The following AMBRA1 variants were observed in gnomAD, a reference collection of about 807,000 sequenced individuals.
AMBRA1 encodes the protein activating molecule in BECN1-regulated autophagy protein 1.
A neutral mutation model predicts 125.4 loss-of-function variants in AMBRA1; 47 were observed. The observed-to-expected ratio is 0.37, with a 90% CI of 0.30 to 0.48. The LOEUF is 0.48. Ranked by LOEUF, AMBRA1 falls within the 20% of genes least tolerant of loss-of-function variation. AMBRA1 has a pLI of 0.99. For synonymous variants in AMBRA1, 626 were observed against 655.5 expected (o/e 0.95, Z 0.69); for missense variants, 1,331 against 1,693.4 (o/e 0.79, Z 3.76).
chr11:46,532,967 A>G (rs1182517429), intron 7 of AMBRA1, among the ~76,000 whole-genome samples: 2 of 152,104 alleles, frequency 1.3e-5, no homozygotes, highest in Admixed American at 1.3e-4. Context: ...AAGAAAACAA[A>G]ACATGGCCAA....
At chr11:46,488,388 G>A (rs139006534) in intron 11 of AMBRA1, among the ~76,000 whole-genome samples, 50 of 152,096 alleles carry the variant, frequency 3.3e-4, no homozygotes, top group African/African-American at 1.1e-3. Context: ...CCCAAGAGGC[G>A]GAAGTTGCAG....
chr11:46,404,384 G>C (rs776028703), intron 17 of AMBRA1, among the ~76,000 whole-genome samples: 8 of 152,274 alleles, frequency 5.3e-5, no homozygotes, highest in Non-Finnish European at 1.0e-4. Context: ...GGCTCAAAGA[G>C]AGCCCTGATC....
At chr11:46,454,506 C>G (rs969180767) in intron 11 of AMBRA1, among the ~76,000 whole-genome samples, 1 of 146,986 alleles carries the variant, frequency 6.8e-6, no homozygotes, top group Non-Finnish European at 1.5e-5. Context: ...GAGGCCAAGG[C>G]AGGTGGATCA....
At chr11:46,576,829 G>A (rs972665911) in intron 1 of AMBRA1, among the ~76,000 whole-genome samples, 15 of 152,292 alleles carry the variant, frequency 9.8e-5, no homozygotes, top group Non-Finnish European at 1.9e-4. Context: ...ACATGATTAA[G>A]AGTCTTAAAT....
chr11:46,571,088 AT>A (rs2043740870), intron 1 of AMBRA1, among the ~76,000 whole-genome samples: 2 of 152,218 alleles, frequency 1.3e-5, no homozygotes, highest in Non-Finnish European at 2.9e-5. Context: ...GCAACAGATA[AT>A]CTCTCACATT....
chr11:46,473,565 CAG>C (rs1464270586), intron 11 of AMBRA1, among the ~76,000 whole-genome samples: 1 of 152,172 alleles, frequency 6.6e-6, no homozygotes, highest in Non-Finnish European at 1.5e-5. Flanking sequence ...GATAAAGAAT[CAG>C]AAAAAATCCA....
At chr11:46,520,536 C>G (rs1951709502) in intron 7 of AMBRA1, among the ~76,000 whole-genome samples, 1 of 151,762 alleles carries the variant, frequency 6.6e-6, no homozygotes, top group Non-Finnish European at 1.5e-5. Context: ...AAATACCTGA[C>G]TCCTCCAGCC....
chr11:46,444,236 G>C (rs1590821793), intron 11 of AMBRA1, among the ~76,000 whole-genome samples: 1 of 152,276 alleles, frequency 6.6e-6, no homozygotes, highest in Admixed American at 6.5e-5. Context: ...TGTAGCATCA[G>C]AATATTTTTA....
intron 17 of AMBRA1, among the ~76,000 whole-genome samples, chr11:46,404,582 T>TACAGGGTATAC (rs2136597947): frequency 6.6e-6 from 1 of 152,262 alleles, no homozygotes; most frequent in South Asian, 2.1e-4. Context: ...CAGCTGTGGG[T>TACAGGGTATAC]ACAGGGTATA....
chr11:46,426,166 G>A (rs148232432), intron 14 of AMBRA1, among the ~76,000 whole-genome samples: 2 of 152,040 alleles, frequency 1.3e-5, no homozygotes, highest in Non-Finnish European at 2.9e-5. Flanking sequence ...CAATTAGGGC[G>A]TACTGAGTAA....
chr11:46,518,020 C>T (rs1565242902), intron 7 of AMBRA1: 2 of 678,148 alleles, frequency 2.9e-6, no homozygotes, highest in Non-Finnish European at 1.8e-6. Context: ...TATGGGAATC[C>T]TCTATACGTT....
intron 11 of AMBRA1, among the ~76,000 whole-genome samples, chr11:46,488,446 A>AAAAAC (rs1318922571): frequency 1.3e-5 from 2 of 150,908 alleles, no homozygotes; most frequent in Non-Finnish European, 2.9e-5. Context: ...TCTGTCTCAA[A>AAAAAC]AAAACAAAAC....
chr11:46,433,746 G>T, intron 13 of AMBRA1, 118 bp from the exon 14 acceptor site: 1 of 1,087,120 alleles, frequency 9.2e-7, no homozygotes, highest in Non-Finnish European at 1.3e-6. Context: ...TCATCCTGGT[G>T]TTATCTCATA....
chr11:46,466,207 C>T (rs1481343264), intron 11 of AMBRA1, among the ~76,000 whole-genome samples: 1 of 152,140 alleles, frequency 6.6e-6, no homozygotes, highest in Non-Finnish European at 1.5e-5. Context: ...TGAGGCCAGG[C>T]GTGCTGGCAC....
chr11:46,438,637 G>A (rs1038822848), intron 12 of AMBRA1, among the ~76,000 whole-genome samples: 3 of 152,148 alleles, frequency 2.0e-5, no homozygotes, highest in African/African-American at 7.2e-5. Flanking sequence ...AGCTCCAGAT[G>A]ACCCATAAAC....
At chr11:46,456,263 C>T (rs567846465) in intron 11 of AMBRA1, among the ~76,000 whole-genome samples, 1 of 152,316 alleles carries the variant, frequency 6.6e-6, no homozygotes, top group South Asian at 2.1e-4. Context: ...TTCGCTCCCA[C>T]CAGGCAGGGA....
rs148486014 is a variant in AMBRA1, at chr11:46,479,148, T to C, written c.2521+14460A>G. Among the ~76,000 whole-genome samples, 878 of 151,318 alleles carry C rather than the reference T, an allele frequency of 5.8e-3. 9 individuals carry two copies. The highest frequency in any genetic ancestry group is 0.014 in the African/African-American group (562 of 41,224). On this transcript the variant is annotated intron_variant, in intron 11 of 17. Coordinates refer to ENST00000683756, the MANE Select transcript of AMBRA1 (RefSeq NM_001387011.1). ...AGGAGGCAGAGGTTGCAGTGAGCTG[T>C]AATCAAACCACTGCATTCCAGCCTG...
At chr11:46,425,583 T>C (rs1292028281) in intron 14 of AMBRA1, among the ~76,000 whole-genome samples, 2 of 152,146 alleles carry the variant, frequency 1.3e-5, no homozygotes, top group African/African-American at 4.8e-5. Flanking sequence ...AGCTCACGCC[T>C]GTAATCCCAG....
Position 46,420,880 on chromosome 11 carries a change from G to A in AMBRA1, c.2977-2828C>T, listed in dbSNP as rs554532555. Among the ~76,000 whole-genome samples the A allele has an allele frequency of 3.9e-5, 6 of 152,292 alleles. 2 individuals carry two copies. The highest frequency in any genetic ancestry group is 4.1e-4 in the South Asian group (2 of 4,828). ...AAAGGGCCAGAGAAAGTAGCCTTACGAGGAGAATAATAAGACTTTAGTAAT... is the reference window on the plus strand; with the variant it reads ...AAAGGGCCAGAGAAAGTAGCCTTACAAGGAGAATAATAAGACTTTAGTAAT... On this transcript the variant is annotated intron_variant, in intron 14 of 17. Transcript: ENST00000683756.
Sources: allele counts gnomAD v4.1 joint callset (sites outside exome capture counted in the v4.1 genomes callset), GRCh38; gene constraint gnomAD v4.1.1; transcripts MANE v1.5; gene names NCBI Gene and HGNC (gene_info 2026-07-23, HGNC 2026-07-21).